PGPEP1L: variants seen among roughly 807,000 people sequenced by gnomAD.
PGPEP1L encodes the protein pyroglutamyl-peptidase 1-like protein.
A neutral mutation model predicts 6.0 loss-of-function variants in PGPEP1L; 7 were observed. The ratio of observed to expected loss-of-function variants is 1.17; its 90% confidence interval spans 0.66 to 2.19. The LOEUF is 2.19. PGPEP1L is among the 30% of genes most tolerant of loss of function. The pLI is 0.00. For synonymous variants in PGPEP1L, 103 were observed against 83.9 expected (o/e 1.23, Z -1.24); for missense variants, 209 against 192.5 (o/e 1.09, Z -0.51).
intron 2 of PGPEP1L, among the ~76,000 whole-genome samples, chr15:98,996,060 G>C (rs571815771): frequency 2.0e-5 from 3 of 152,072 alleles, no homozygotes; most frequent in Admixed American, 1.3e-4. Context: ...CATTTTACCT[G>C]ATCTTTTCAG....
rs375763255 is a variant in PGPEP1L at position 98,969,697 on chromosome 15, C to T, written c.-18-46G>A. 199 of 1,580,738 alleles carry T rather than the reference C, an allele frequency of 1.3e-4. 1 individual carries two copies. In the African/African-American group the frequency reaches 1.8e-3, roughly 15 times the overall value. ...AGAGAGAACCCAGGAAAACGAGGCC[C>T]ACCCTGCTCACCAAATGTGCAGAAG... On this transcript the variant is annotated intron_variant, in intron 3 of 4. Transcript: ENST00000535714.
intron 2 of PGPEP1L, among the ~76,000 whole-genome samples, chr15:98,994,032 C>A (rs1224240355): frequency 6.6e-6 from 1 of 152,050 alleles, no homozygotes; most frequent in Non-Finnish European, 1.5e-5. Context: ...CTTTGGGAGG[C>A]CGAGGCAGGT....
At chr15:98,973,426 C>T (rs967790087) in intron 2 of PGPEP1L, among the ~76,000 whole-genome samples, 1 of 152,238 alleles carries the variant, frequency 6.6e-6, no homozygotes, top group African/African-American at 2.4e-5. Flanking sequence ...CTCAACAGCA[C>T]ATGGATCATT....
chr15:99,000,114 GCGTGGGCTC>G (rs1257151443), intron 2 of PGPEP1L, among the ~76,000 whole-genome samples: 17 of 152,256 alleles, frequency 1.1e-4, no homozygotes, highest in Non-Finnish European at 2.1e-4. Flanking sequence ...TTCCGGGTGG[GCGTGGGCTC>G]CGCGGGCCCC....
chr15:98,968,380 G>T lies in PGPEP1L; in HGVS notation c.*98C>A. The T allele has an allele frequency of 8.1e-7, 1 of 1,240,404 alleles. No individual in the cohort carries two copies. The highest frequency in any genetic ancestry group is 1.1e-6 in the Non-Finnish European group (1 of 879,510). 76.8% of individuals were successfully genotyped at this position (1,240,404 alleles called of 1,614,324 possible). On this transcript the variant is annotated 3_prime_UTR_variant, in exon 5 of 5. Transcript: ENST00000535714. ...TAATTCAGAGTTTTCCACCCTCTTT[G>T]TCTTACAAGCAATTTTTGAAAAAGT...
At chr15:98,974,985 G>A (rs1037219698) in intron 2 of PGPEP1L, among the ~76,000 whole-genome samples, 1 of 152,076 alleles carries the variant, frequency 6.6e-6, no homozygotes, top group African/African-American at 2.4e-5. Flanking sequence ...TCAAAATAAA[G>A]GAAATCAGTA....
intron 2 of PGPEP1L, chr15:98,998,174 A>T (rs1226275562): frequency 6.6e-6 from 1 of 152,558 alleles, no homozygotes; most frequent in Non-Finnish European, 1.5e-5. Flanking sequence ...CTGAAACCAA[A>T]CATGCCCAGG....
intron 2 of PGPEP1L, among the ~76,000 whole-genome samples, chr15:98,996,576 GTAT>G (rs1246201243): frequency 1.3e-5 from 2 of 151,234 alleles, no homozygotes; most frequent in African/African-American, 2.4e-5. Flanking sequence ...GTGCATGCAT[GTAT>G]TATGTGTGTT....
intron 2 of PGPEP1L, among the ~76,000 whole-genome samples, chr15:98,995,495 C>T (rs958249326): frequency 6.6e-6 from 1 of 152,114 alleles, no homozygotes; most frequent in Non-Finnish European, 1.5e-5. Context: ...GTCAGGAGTT[C>T]GAGACCAGCC....
chr15:99,007,055 G>A (rs572863739), intron 1 of PGPEP1L, among the ~76,000 whole-genome samples: 11 of 152,156 alleles, frequency 7.2e-5, no homozygotes, highest in Non-Finnish European at 7.4e-5. Flanking sequence ...CACCCCCGCG[G>A]ATTAGACCCC....
intron 1 of PGPEP1L, 107 bp downstream of exon 1, chr15:99,007,252 G>C (rs72754842): frequency 0.1 from 15,435 of 152,192 alleles, 897 homozygotes; most frequent in African/African-American, 0.14. Context: ...TTTGTACTTT[G>C]CCTCATTTCA....
At chr15:98,993,836 GAAAA>G (rs58824142) in intron 2 of PGPEP1L, among the ~76,000 whole-genome samples, 1 of 150,424 alleles carries the variant, frequency 6.6e-6, no homozygotes, top group African/African-American at 2.4e-5. Flanking sequence ...ACAATTACAT[GAAAA>G]AAAAAGAGAA....
intron 2 of PGPEP1L, among the ~76,000 whole-genome samples, chr15:98,984,164 C>T (rs2017711707): frequency 6.6e-6 from 1 of 152,038 alleles, no homozygotes; most frequent in South Asian, 2.1e-4. Flanking sequence ...GCGCCCACCA[C>T]CACGCCCGGC....
At chr15:98,999,811 A>G (rs879996862) in intron 2 of PGPEP1L, among the ~76,000 whole-genome samples, 2 of 152,284 alleles carry the variant, frequency 1.3e-5, no homozygotes, top group African/African-American at 4.8e-5. Context: ...GGTATAATCC[A>G]CACAATGAAA....
intron 2 of PGPEP1L, 150 bp from the exon 3 acceptor site, chr15:98,971,308 A>G (rs2017493640): frequency 8.7e-7 from 1 of 1,145,094 alleles, no homozygotes; most frequent in African/African-American, 1.6e-5. Flanking sequence ...CAAAGTGGCA[A>G]GGGGCCAAGA....
At chr15:98,993,738 G>A (rs996801460) in intron 2 of PGPEP1L, among the ~76,000 whole-genome samples, 1 of 151,794 alleles carries the variant, frequency 6.6e-6, no homozygotes, top group African/African-American at 2.4e-5. Context: ...TGGGTTGATG[G>A]GTGCAGCAAA....
chr15:98,982,438 C>G (rs559164404), intron 2 of PGPEP1L, among the ~76,000 whole-genome samples: 1 of 152,320 alleles, frequency 6.6e-6, no homozygotes, highest in African/African-American at 2.4e-5. Context: ...AACTGTGTAT[C>G]ACCACTTGGT....
chr15:99,000,662 A>G (rs2017953070), intron 2 of PGPEP1L, among the ~76,000 whole-genome samples: 1 of 151,978 alleles, frequency 6.6e-6, no homozygotes. Context: ...TTGTATCCAC[A>G]CTCTGTATCT....
chr15:98,971,200 G>C lies in PGPEP1L; in HGVS notation c.-141-42C>G, dbSNP rs577791860. ...GTGGACTTGCCTCAGTTGATGGGGG[G>C]GGGGGGGGGGTGGGCACCAAGAGTC... On this transcript the variant is annotated intron_variant, in intron 2 of 4. Coordinates refer to ENST00000535714, the MANE Select transcript of PGPEP1L (RefSeq NM_001167902.2). The C allele has an allele frequency of 8.7e-4, 288 of 330,020 alleles. 17 individuals carry two copies. Among genetic ancestry groups the C allele is most frequent in the South Asian group, 4.4e-3 (118 of 26,682 alleles). The allele number at this position is 330,020 out of a possible 1,614,324, so 20.4% of individuals were successfully genotyped here.
Sources: gnomAD v4.1 joint callset for allele counts (sites outside exome capture counted in the v4.1 genomes callset) on GRCh38, gnomAD v4.1.1 for gene constraint, MANE v1.5 for transcripts, NCBI Gene and HGNC (gene_info 2026-07-23, HGNC 2026-07-21) for gene names.